Variants in GSE1 observed in about 807,000 individuals in gnomAD.
GSE1 encodes the protein genetic suppressor element 1.
A neutral mutation model predicts 112.6 loss-of-function variants in GSE1; 32 were observed. The ratio of observed to expected loss-of-function variants is 0.28; its 90% confidence interval spans 0.21 to 0.38. The LOEUF (loss-of-function observed/expected upper bound fraction) is 0.38. GSE1 is among the 10% of genes least tolerant of loss of function. GSE1 has a pLI of 1.00. For synonymous variants in GSE1, 1,115 were observed against 735.6 expected (o/e 1.52, Z -8.35); for missense variants, 2,348 against 1,699.2 (o/e 1.38, Z -6.71).
chr16:85,672,396 T>C lies in GSE1; in HGVS notation c.3520-9T>C. ...GGGTTGGTTTTGACACAAATTTCCCTCTCTCCAGGAGTTGAGGAGCCAGAA... is the reference window on the plus strand; with the variant it reads ...GGGTTGGTTTTGACACAAATTTCCCCCTCTCCAGGAGTTGAGGAGCCAGAA... On this transcript the variant is annotated splice_polypyrimidine_tract_variant and intron_variant, in intron 15 of 15. Transcript: ENST00000253458. 2.5e-6 allele frequency: 4 copies of C among 1,606,580 alleles called. No individual in the cohort carries two copies. The highest frequency in any genetic ancestry group is 2.2e-5 in the South Asian group (2 of 90,650).
At position 85,341,922 on chromosome 16, in the gene GSE1, C is replaced by T. The variant is rs543954276; in HGVS notation, c.2284-15541C>T. 7.9e-5 allele frequency among the ~76,000 whole-genome samples: 12 copies of T among 152,242 alleles called. No homozygotes were observed. The East Asian group carries it at 2.3e-3, about 29-fold the overall frequency. ...CTGCTAACGAGCCAATGGCCTCAGT[C>T]CCTGGGCCTTTGGGGATGCTCAGGA... On this transcript the variant is annotated intron_variant, in intron 1 of 2. Coordinates refer to the GSE1 transcript ENST00000637419.
intron 1 of GSE1, among the ~76,000 whole-genome samples, chr16:85,207,643 G>A (rs1678916163): frequency 6.6e-6 from 1 of 152,218 alleles, no homozygotes; most frequent in Non-Finnish European, 1.5e-5. Flanking sequence ...GATGAGGCTG[G>A]GTTGAATCCC....
At chr16:85,309,812 A>G (rs960151879) in intron 1 of GSE1, among the ~76,000 whole-genome samples, 2 of 152,216 alleles carry the variant, frequency 1.3e-5, no homozygotes, top group Non-Finnish European at 2.9e-5. Flanking sequence ...GTTTCGGGTG[A>G]AGGGTGGACG....
At chr16:85,262,947 A>C (rs907175600) in intron 1 of GSE1, among the ~76,000 whole-genome samples, 1 of 152,246 alleles carries the variant, frequency 6.6e-6, no homozygotes, top group African/African-American at 2.4e-5. Flanking sequence ...GCAGTGGACA[A>C]AGTGGACAGA....
intron 2 of GSE1, among the ~76,000 whole-genome samples, chr16:85,401,004 A>G (rs1026100698): frequency 2.0e-5 from 3 of 152,162 alleles, no homozygotes; most frequent in Non-Finnish European, 4.4e-5. Context: ...TTGAGCATCT[A>G]CATCAGTGCG....
intron 2 of GSE1, among the ~76,000 whole-genome samples, chr16:85,416,898 C>A (rs899110574): frequency 2.0e-5 from 3 of 152,204 alleles, no homozygotes; most frequent in Admixed American, 2.0e-4. Context: ...CTCTGTCCCC[C>A]AGGCCGGGGT....
chr16:85,440,356 C>T (rs1024253806), intron 2 of GSE1, among the ~76,000 whole-genome samples: 3 of 152,222 alleles, frequency 2.0e-5, no homozygotes, highest in South Asian at 2.1e-4. Context: ...TTCCTTGTAC[C>T]GTGTTCCTTT....
At chr16:85,411,646 C>CT (rs1266244196) in intron 2 of GSE1, among the ~76,000 whole-genome samples, 1 of 23,678 alleles carries the variant, frequency 4.2e-5, no homozygotes, top group Non-Finnish European at 1.0e-4. Flanking sequence ...TCAGGCCCCC[C>CT]GGATAATCCT....
At position 85,563,906 on chromosome 16, in the gene GSE1, C is replaced by A. The variant is rs532374919; in HGVS notation, c.37+7543C>A. On this transcript the variant is annotated intron_variant, in intron 1 of 2. Coordinates refer to the GSE1 transcript ENST00000635906. ...ACTGTGGCGAGCTAGGATGTTGTTG[C>A]TTTTCGCACAGAACACGTGCCTGTG... Among the ~76,000 whole-genome samples, 4 of 152,326 alleles carry A rather than the reference C, an allele frequency of 2.6e-5. No homozygotes were observed. In the East Asian group the frequency reaches 7.7e-4, roughly 29 times the overall value.
At chr16:85,587,320 AC>A (rs1429296685) in intron 1 of GSE1, among the ~76,000 whole-genome samples, 8 of 152,228 alleles carry the variant, frequency 5.3e-5, no homozygotes, top group Non-Finnish European at 1.0e-4. Context: ...AAATGAAAAT[AC>A]ATGCAGTAAA....
exon 2 of GSE1, chr16:85,357,493 G>A: frequency 1.6e-6 from 2 of 1,253,136 alleles, no homozygotes; most frequent in Non-Finnish European, 2.1e-6. Flanking sequence ...AGCATCTGCA[G>A]CCAGCCACCC....
At chr16:85,556,261 C>G (rs1343556826) in exon 1 of GSE1, 3 of 983,802 alleles carry the variant, frequency 3.0e-6, no homozygotes, top group Non-Finnish European at 3.6e-6. Flanking sequence ...TTTGTTCATT[C>G]CTGGGTTTTA....
Position 85,373,821 on chromosome 16 carries a change from G to T in GSE1, c.2464+16178G>T, listed in dbSNP as rs930767813. ...CCCAGGGCAGGGTGATTGTGCTCCT[G>T]CCCCACGGTGCCCCACGGTTACCAC... On this transcript the variant is annotated intron_variant, in intron 2 of 2. Transcript: ENST00000637419. This position sits in a 1 kb window ranked among gnomAD's most constrained non-coding sequence, Gnocchi z 5.1. 6.6e-6 allele frequency among the ~76,000 whole-genome samples: 1 copy of T among 152,158 alleles called. No homozygotes were observed. Among genetic ancestry groups the T allele is most frequent in the Non-Finnish European group, 1.5e-5 (1 of 68,022 alleles).
chr16:85,631,330 C>G (rs1305235279), intron 1 of GSE1, among the ~76,000 whole-genome samples: 2 of 152,254 alleles, frequency 1.3e-5, no homozygotes, highest in Admixed American at 6.5e-5. Context: ...GACAAGAGCT[C>G]TGGTCTCCCC....
chr16:85,576,344 A>G (rs563042561), intron 1 of GSE1, among the ~76,000 whole-genome samples: 50 of 152,334 alleles, frequency 3.3e-4, no homozygotes, highest in African/African-American at 1.0e-3. Flanking sequence ...TCCAGACTCT[A>G]CGAGGAAATA....
At chr16:85,170,072 C>G (rs2074333688) in exon 1 of GSE1, 2 of 984,878 alleles carry the variant, frequency 2.0e-6, no homozygotes, top group African/African-American at 3.5e-5. Context: ...GACCCCCTTT[C>G]CGAGCCCGAC....
rs561614978 is a variant in GSE1 at position 85,209,743 on chromosome 16, G to C, written c.2283+37936G>C. ...GCTGGGAGGGAGAGTCTGGCAGGCCGCCTGACGTTGCCTGCTGGGCCTGCC... is the reference window on the plus strand; with the variant it reads ...GCTGGGAGGGAGAGTCTGGCAGGCCCCCTGACGTTGCCTGCTGGGCCTGCC... On this transcript the variant is annotated intron_variant, in intron 1 of 2. Coordinates refer to the GSE1 transcript ENST00000637419. 5.6e-3 allele frequency among the ~76,000 whole-genome samples: 850 copies of C among 152,302 alleles called. 5 individuals are homozygous for C. Among genetic ancestry groups the C allele is most frequent in the African/African-American group, 0.02 (824 of 41,560 alleles).
chr16:85,602,430 T>A (rs151257856), intron 1 of GSE1, among the ~76,000 whole-genome samples: 1 of 152,174 alleles, frequency 6.6e-6, no homozygotes, highest in Admixed American at 6.5e-5. Context: ...TCTTGGGGGC[T>A]AATGGAGACC....
chr16:85,594,515 C>T (rs1240393393), intron 1 of GSE1: 2 of 152,236 alleles, frequency 1.3e-5, no homozygotes, highest in East Asian at 3.9e-4. Context: ...ATTGTCCTTC[C>T]TTCACTCGCT....
Sources: allele counts gnomAD v4.1 joint callset (sites outside exome capture counted in the v4.1 genomes callset), GRCh38; gene constraint gnomAD v4.1.1; non-coding constraint Gnocchi (gnomAD v3.1); transcripts MANE v1.5; gene names NCBI Gene and HGNC (gene_info 2026-07-23, HGNC 2026-07-21).